The following SLC38A7 variants were observed in gnomAD, a reference collection of about 807,000 sequenced individuals.
SLC38A7 encodes solute carrier family 38 member 7, also known as sodium-coupled neutral amino acid transporter 7.
A neutral mutation model predicts 50.1 loss-of-function variants in SLC38A7; 29 were observed. The observed-to-expected ratio is 0.58, with a 90% CI of 0.43 to 0.79. SLC38A7 has a LOEUF of 0.79. Ranked by LOEUF, SLC38A7 falls within the 30% of genes least tolerant of loss-of-function variation. SLC38A7 has a pLI of 0.00. For synonymous variants in SLC38A7, 244 were observed against 245.9 expected (o/e 0.99, Z 0.07); for missense variants, 483 against 610.6 (o/e 0.79, Z 2.20).
At chr16:58,670,267 C>A in intron 10 of SLC38A7, 100 bp from the exon 11 acceptor site, 1 of 1,111,786 alleles carries the variant, frequency 9.0e-7, no homozygotes, top group African/African-American at 1.5e-5. Context: ...TGGAGAAAGG[C>A]CCATGTTTAC....
intron 11 of SLC38A7, among the ~76,000 whole-genome samples, chr16:58,668,471 A>C (rs2044087977): frequency 6.6e-6 from 1 of 152,088 alleles, no homozygotes; most frequent in South Asian, 2.1e-4. Context: ...GATACCCTGG[A>C]GGTTGCAGTG....
In SLC38A7 at chr16:58,667,446, A is replaced by T; in HGVS notation, c.1328T>A (p.Leu443Gln). 1 of 1,613,842 alleles carries T rather than the reference A, an allele frequency of 6.2e-7. No individual in the cohort carries two copies. The highest frequency in any genetic ancestry group is 8.5e-7 in the Non-Finnish European group (1 of 1,179,932). Residue 443 changes from leucine (L) to glutamine (Q), a missense_variant, in exon 12 of 12, where the codon CTG becomes CAG. By Grantham distance (113) the Leu-to-Gln change is moderately radical. Coordinates refer to ENST00000219320, the MANE Select transcript of SLC38A7 (RefSeq NM_018231.3). ...LVSYGVLLVT[L>Q]GAFIFGQTTA... is the part of the protein sequence containing the mutation. ...GGTCTGGCCGAAGATGAAGGCTCCC[A>T]GGGTGACCAAGAGGACTCCGTAGCT...
intron 11 of SLC38A7, among the ~76,000 whole-genome samples, chr16:58,668,254 G>A (rs1167813275): frequency 4.0e-5 from 6 of 151,656 alleles, no homozygotes; most frequent in South Asian, 2.1e-4. Context: ...CCTGGCCAGC[G>A]TGGTGAAACC....
chr16:58,672,996 C>T (rs981264888), intron 8 of SLC38A7, among the ~76,000 whole-genome samples: 5 of 151,116 alleles, frequency 3.3e-5, no homozygotes, highest in Admixed American at 6.6e-5. Flanking sequence ...GGCACGATCT[C>T]GGCTCAGTGC....
rs1412310662 is a variant in SLC38A7, at chr16:58,678,951, C to A, written c.271-57G>T. 4 of 1,559,868 alleles carry A rather than the reference C, an allele frequency of 2.6e-6. No homozygotes were observed. The African/African-American group carries it at 5.4e-5, about 21-fold the overall frequency. On this transcript the variant is annotated intron_variant, in intron 3 of 11. Coordinates refer to ENST00000219320, the MANE Select transcript of SLC38A7 (RefSeq NM_018231.3). This position sits in a 1 kb window ranked among gnomAD's most constrained non-coding sequence, Gnocchi z 4.0. Reference sequence around the variant, plus strand: ...CAAAGGCCTGGCAGCAGAGGGCACCCTGGGCTCGCCTAGCATTTACTGGGC... The same window carrying A: ...CAAAGGCCTGGCAGCAGAGGGCACCATGGGCTCGCCTAGCATTTACTGGGC...
chr16:58,671,978 C>T, intron 9 of SLC38A7, 118 bp downstream of exon 9: 1 of 1,287,012 alleles, frequency 7.8e-7, no homozygotes, highest in Non-Finnish European at 1.0e-6. Flanking sequence ...GGCACCGACT[C>T]TTTTCTACAG....
intron 11 of SLC38A7, among the ~76,000 whole-genome samples, chr16:58,668,242 A>C (rs111729089): frequency 0.058 from 8,765 of 152,168 alleles, 262 homozygotes; most frequent in African/African-American, 0.078. Flanking sequence ...GTTTGAGACC[A>C]GCCTGGCCAG....
Position 58,672,180 on chromosome 16 carries a change from G to A in SLC38A7, c.947C>T (p.Ser316Leu), listed in dbSNP as rs998526954. ...VDPDVLLSYPSEDMAVAVARA... is the reference protein window; with the variant it reads ...VDPDVLLSYPLEDMAVAVARA... ...GGCAACGGCCACGGCCATGTCCTCC[G>A]AGGGATAGGACAGGAGCACGTCAGG... Residue 316 changes from serine (S) to leucine (L), a missense_variant, in exon 9 of 12, where the codon TCG (serine) becomes TTG (leucine). Physicochemically the swap from Ser to Leu is moderately radical, Grantham distance 145. Transcript: ENST00000219320. 1.1e-5 allele frequency: 18 copies of A among 1,572,866 alleles called. No homozygotes were observed. Among genetic ancestry groups the A allele is most frequent in the Admixed American group, 3.7e-5 (2 of 53,492 alleles).
chr16:58,673,405 T>G (rs898091051), intron 8 of SLC38A7, among the ~76,000 whole-genome samples: 5 of 151,928 alleles, frequency 3.3e-5, no homozygotes, highest in Non-Finnish European at 7.4e-5. Flanking sequence ...CTGACTAATT[T>G]TTGTATTTTT....
chr16:58,679,842 G>A lies in SLC38A7; in HGVS notation c.270+15C>T, dbSNP rs1375426485. ...AACTGAACTGCACCTCTGCCCTCCCGGCCAGTGCACTCACCATCTGCAGTG... is the reference window on the plus strand; with the variant it reads ...AACTGAACTGCACCTCTGCCCTCCCAGCCAGTGCACTCACCATCTGCAGTG... On this transcript the variant is annotated intron_variant, in intron 3 of 11. Coordinates refer to ENST00000219320, the MANE Select transcript of SLC38A7 (RefSeq NM_018231.3). 9 of 1,612,858 alleles carry A rather than the reference G, an allele frequency of 5.6e-6. No individual in the cohort carries two copies. In the Admixed American group the frequency reaches 6.7e-5, roughly 12 times the overall value.
rs768565238 is a variant in SLC38A7, at chr16:58,667,272, C to T, written c.*113G>A. On this transcript the variant is annotated 3_prime_UTR_variant, in exon 12 of 12. Coordinates refer to ENST00000219320, the MANE Select transcript of SLC38A7 (RefSeq NM_018231.3). ...GCCCCAGTCCCTGGAAGAGGATGTC[C>T]GGATGTCATCCCACCAGTTGGAATG... 1.7e-5 allele frequency: 19 copies of T among 1,133,002 alleles called. No homozygotes were observed. The highest frequency in any genetic ancestry group is 7.6e-5 in the African/African-American group (5 of 65,810). 70.2% of individuals were successfully genotyped at this position (1,133,002 alleles called of 1,614,324 possible). A position where few individuals can be genotyped will look rare whatever the true frequency, so the allele number is the denominator to read the frequency against.
chr16:58,673,892 C>T (rs2044210215), intron 8 of SLC38A7, among the ~76,000 whole-genome samples: 1 of 150,826 alleles, frequency 6.6e-6, no homozygotes, highest in African/African-American at 2.4e-5. Context: ...GCGGCGCGAT[C>T]TTGGCTCACT....
intron 2 of SLC38A7, among the ~76,000 whole-genome samples, chr16:58,683,474 G>A (rs1413644237): frequency 2.0e-5 from 3 of 152,132 alleles, no homozygotes; most frequent in Admixed American, 6.5e-5. Flanking sequence ...CTGCTGGCTC[G>A]AAACCCAGAA....
At chr16:58,670,739 A>G (rs1209812293) in intron 10 of SLC38A7, among the ~76,000 whole-genome samples, 1 of 152,248 alleles carries the variant, frequency 6.6e-6, no homozygotes, top group Non-Finnish European at 1.5e-5. Flanking sequence ...TGAATGGTTA[A>G]AAGAATAGAC....
chr16:58,672,812 A>C (rs949415055), intron 8 of SLC38A7, among the ~76,000 whole-genome samples: 1 of 151,774 alleles, frequency 6.6e-6, no homozygotes, highest in Non-Finnish European at 1.5e-5. Context: ...ACACCCAGCT[A>C]ATTTTCTTGT....
chr16:58,676,189 A>G (rs1039906519), intron 7 of SLC38A7, 100 bp downstream of exon 7: 2 of 1,577,018 alleles, frequency 1.3e-6, no homozygotes, highest in Admixed American at 1.7e-5. Context: ...TCCCCCCAGG[A>G]TTTCCTCCAT....
At chr16:58,677,490 G>A in intron 5 of SLC38A7, 66 bp from the exon 6 acceptor site, 1 of 1,390,120 alleles carries the variant, frequency 7.2e-7, no homozygotes, top group Middle Eastern at 1.8e-4. Flanking sequence ...CACCCCTAGG[G>A]ACATCCACCT....
chr16:58,676,905 C>T (rs537805874), intron 6 of SLC38A7, among the ~76,000 whole-genome samples: 7 of 152,210 alleles, frequency 4.6e-5, no homozygotes, highest in South Asian at 2.1e-4. Flanking sequence ...CCGCCCGCCT[C>T]GGCCTCCCAA....
At chr16:58,669,986 AAC>A in intron 11 of SLC38A7, 125 bp downstream of exon 11, 12 of 847,336 alleles carry the variant, frequency 1.4e-5, no homozygotes, top group South Asian at 2.1e-5. Flanking sequence ...AAAAAAAAAA[AAC>A]AAAACAAAAA....
Sources: allele counts gnomAD v4.1 joint callset (sites outside exome capture counted in the v4.1 genomes callset), GRCh38; gene constraint gnomAD v4.1.1; non-coding constraint Gnocchi (gnomAD v3.1); transcripts MANE v1.5; gene names NCBI Gene and HGNC (gene_info 2026-07-23, HGNC 2026-07-21).